CBFA2T3: variants seen among roughly 807,000 people sequenced by gnomAD.
CBFA2T3 encodes CBFA2/RUNX1 partner transcriptional co-repressor 3, also known as transcriptional corepressor CBFA2T3.
In CBFA2T3, 31 loss-of-function variants were observed where a neutral mutation model predicts 58.6. The ratio of observed to expected loss-of-function variants is 0.53; its 90% CI spans 0.40 to 0.71. CBFA2T3 has a LOEUF of 0.71. CBFA2T3 is among the 30% of genes least tolerant of loss of function. CBFA2T3 has a pLI of 0.00. For synonymous variants in CBFA2T3, 531 were observed against 421.9 expected (o/e 1.26, Z -3.17); for missense variants, 1,076 against 963.1 (o/e 1.12, Z -1.55).
chr16:88,946,875 C>G (rs1035437216), intron 1 of CBFA2T3, among the ~76,000 whole-genome samples: 13 of 152,166 alleles, frequency 8.5e-5, no homozygotes, highest in Admixed American at 8.5e-4. Context: ...ATCCTTTGAC[C>G]TCCCAGGCTC....
chr16:88,922,092 G>A (rs574065115), intron 1 of CBFA2T3, among the ~76,000 whole-genome samples: 1 of 152,372 alleles, frequency 6.6e-6, no homozygotes, highest in African/African-American at 2.4e-5. Flanking sequence ...GTCGTGGCCA[G>A]GACATCCCGG....
chr16:88,939,481 G>A (rs1971631024), intron 1 of CBFA2T3: 1 of 152,278 alleles, frequency 6.6e-6, no homozygotes, highest in Non-Finnish European at 1.5e-5. Flanking sequence ...CCTGCTCTGG[G>A]CGCTTCTTCC....
intron 1 of CBFA2T3, among the ~76,000 whole-genome samples, chr16:88,935,950 T>A (rs1170435512): frequency 2.6e-5 from 4 of 152,046 alleles, no homozygotes. Flanking sequence ...CGAATCCAGG[T>A]GGGGGCTCCA....
Position 88,927,468 on chromosome 16 carries a change from G to C in CBFA2T3, c.152-25812C>G, listed in dbSNP as rs540826793. On this transcript the variant is annotated intron_variant, in intron 1 of 11. Coordinates refer to ENST00000268679, the MANE Select transcript of CBFA2T3 (RefSeq NM_005187.6). ...CCGGGGTGGAGGAGGGGCTGGGGAA[G>C]AGGTGGGTCCACCTGTTCTCCTCCA... 2.6e-5 allele frequency among the ~76,000 whole-genome samples: 4 copies of C among 152,328 alleles called. No homozygotes were observed. In the South Asian group the frequency reaches 8.3e-4, roughly 32 times the overall value.
chr16:88,967,215 A>AC (rs138273844), intron 1 of CBFA2T3, among the ~76,000 whole-genome samples: 4 of 74,594 alleles, frequency 5.4e-5, no homozygotes, highest in South Asian at 1.1e-3. Context: ...GCGCCATGCC[A>AC]CCCCCCCAGC....
intron 1 of CBFA2T3, among the ~76,000 whole-genome samples, chr16:88,970,419 C>T (rs1972621237): frequency 6.6e-6 from 1 of 152,204 alleles, no homozygotes; most frequent in Non-Finnish European, 1.5e-5. Flanking sequence ...CCTCAGCTGC[C>T]TTGCCTCTGG....
intron 5 of CBFA2T3, 134 bp from the exon 6 acceptor site, chr16:88,886,276 C>T (rs1394764318): frequency 3.7e-6 from 2 of 536,552 alleles, no homozygotes; most frequent in African/African-American, 3.9e-5. Context: ...AGGTGCTCGA[C>T]CTCTCTGGGC....
rs1401165579 is a variant in CBFA2T3 at position 88,953,997 on chromosome 16, A to G, written c.151+22660T>C. Among the ~76,000 whole-genome samples, 1 of 152,064 alleles carries G rather than the reference A, an allele frequency of 6.6e-6. No homozygotes were observed. The highest frequency in any genetic ancestry group is 1.9e-4 in the East Asian group (1 of 5,174). ...CTGACACCATGTCAGGACAGTGGCT[A>G]CCTAGCAGGAAGCTCTTTCATCTAG... On this transcript the variant is annotated intron_variant, in intron 1 of 11. Transcript: ENST00000268679. The surrounding 1 kb of genome is among the most constrained non-coding windows in gnomAD (Gnocchi z 4.9).
chr16:88,957,166 T>A (rs1972239861), intron 1 of CBFA2T3, among the ~76,000 whole-genome samples: 1 of 152,058 alleles, frequency 6.6e-6, no homozygotes, highest in Non-Finnish European at 1.5e-5. Context: ...ACGAGATTGG[T>A]TGCTCACTCC....
intron 1 of CBFA2T3, among the ~76,000 whole-genome samples, chr16:88,930,837 G>A (rs937448150): frequency 1.4e-5 from 2 of 146,066 alleles, no homozygotes; most frequent in African/African-American, 5.2e-5. Context: ...AGATGGGGAG[G>A]GGCAGACTGT....
At position 88,920,458 on chromosome 16, in the gene CBFA2T3, T is replaced by TTC. The variant is rs1038713476; in HGVS notation, c.152-18803_152-18802insGA. 7.7e-3 allele frequency among the ~76,000 whole-genome samples: 1,069 copies of TTC among 139,572 alleles called. 19 individuals are homozygous for TTC. The highest frequency in any genetic ancestry group is 0.026 in the African/African-American group (1,028 of 39,700). The allele number at this position is 139,572 out of a possible 152,430, so 91.6% of individuals were successfully genotyped here. A position where few individuals can be genotyped will look rare whatever the true frequency, so the allele number is the denominator to read the frequency against. ...TACCCGGCCAATTTTTTTTTTTTTT[T>TTC]TTTTTAAATAGAGACTGGGTTTCAC... is the stretch of plus-strand genomic sequence containing the variant. On this transcript the variant is annotated intron_variant, in intron 1 of 11. Transcript: ENST00000268679.
intron 1 of CBFA2T3, among the ~76,000 whole-genome samples, chr16:88,903,888 C>G (rs1970200414): frequency 1.3e-5 from 2 of 152,250 alleles, no homozygotes; most frequent in South Asian, 4.1e-4. Context: ...ATGGAGGCGG[C>G]TACATTTGAG....
At chr16:88,910,323 G>A (rs1365165761) in intron 1 of CBFA2T3, among the ~76,000 whole-genome samples, 1 of 152,080 alleles carries the variant, frequency 6.6e-6, no homozygotes, top group Non-Finnish European at 1.5e-5. Flanking sequence ...GGCTCTCCCT[G>A]TAGCTCTGCT....
chr16:88,899,944 T>G (rs1597695086), intron 2 of CBFA2T3, among the ~76,000 whole-genome samples: 1 of 152,210 alleles, frequency 6.6e-6, no homozygotes, highest in Admixed American at 6.5e-5. Context: ...GGCCCGTGGT[T>G]TGTACCAGAC....
intron 1 of CBFA2T3, among the ~76,000 whole-genome samples, chr16:88,962,809 G>A (rs559529023): frequency 1.3e-5 from 2 of 152,294 alleles, no homozygotes; most frequent in South Asian, 2.1e-4. Context: ...TCTGTGCCCC[G>A]AACCCTGGAG....
In CBFA2T3 at chr16:88,947,468, C is replaced by T. The variant is rs147016767; in HGVS notation, c.151+29189G>A. 2.3e-3 allele frequency among the ~76,000 whole-genome samples: 344 copies of T among 152,264 alleles called. 4 individuals carry two copies. The highest frequency in any genetic ancestry group is 7.8e-3 in the African/African-American group (325 of 41,540). ...TTTGAAAGTCTTTTGATTCCCCTAT[C>T]GTACAAAACTAGGTACATAGTTGGA... On this transcript the variant is annotated intron_variant, in intron 1 of 11. Coordinates refer to ENST00000268679, the MANE Select transcript of CBFA2T3 (RefSeq NM_005187.6).
intron 1 of CBFA2T3, among the ~76,000 whole-genome samples, chr16:88,915,357 A>G (rs1970664656): frequency 1.1e-5 from 1 of 92,076 alleles, no homozygotes; most frequent in Admixed American, 1.4e-4. Flanking sequence ...AACTCAGAGG[A>G]GGGACAGCTC....
chr16:88,880,860 C>T (rs898565049), intron 9 of CBFA2T3, 72 bp from the exon 10 acceptor site: 3 of 1,376,174 alleles, frequency 2.2e-6, no homozygotes, highest in African/African-American at 2.9e-5. Flanking sequence ...CCTCCCCACC[C>T]TGGCTGGGCC....
intron 1 of CBFA2T3, among the ~76,000 whole-genome samples, chr16:88,931,345 G>A (rs1179168811): frequency 1.3e-5 from 2 of 152,142 alleles, no homozygotes; most frequent in African/African-American, 4.8e-5. Context: ...GGAGTGAGTG[G>A]GAGCTGAGCG....
Sources: gnomAD v4.1 joint callset for allele counts (sites outside exome capture counted in the v4.1 genomes callset) on GRCh38, gnomAD v4.1.1 for gene constraint, Gnocchi (gnomAD v3.1) non-coding constraint, MANE v1.5 for transcripts, NCBI Gene and HGNC (gene_info 2026-07-23, HGNC 2026-07-21) for gene names.